The following EPHA3 variants were observed in gnomAD, a reference collection of about 807,000 sequenced individuals.
EPHA3 encodes the protein ephrin type-A receptor 3.
Under a neutral mutation model 107.1 loss-of-function variants are expected in EPHA3, and 42 were observed. The ratio of observed to expected loss-of-function variants is 0.39; its 90% CI spans 0.31 to 0.51. The LOEUF (loss-of-function observed/expected upper bound fraction) is 0.51, where lower values mean the gene tolerates loss of function less well. Ranked by LOEUF, EPHA3 falls within the 20% of genes least tolerant of loss-of-function variation. EPHA3 has a pLI of 0.78. For synonymous variants in EPHA3, 461 were observed against 424.8 expected, an observed-to-expected ratio of 1.09 and a Z score of -1.05; for missense variants, 1,183 against 1,211.2, an observed-to-expected ratio of 0.98 and a Z score of 0.35.
At chr3:89,187,977 T>C (rs1231518131) in intron 2 of EPHA3, among the ~76,000 whole-genome samples, 2 of 152,162 alleles carry the variant, frequency 1.3e-5, no homozygotes, top group African/African-American at 4.8e-5. Context: ...ATAACTGGTA[T>C]CTCCTAAACA....
intron 3 of EPHA3, among the ~76,000 whole-genome samples, chr3:89,324,778 A>T (rs1332850439): frequency 6.6e-6 from 1 of 152,024 alleles, no homozygotes; most frequent in Non-Finnish European, 1.5e-5. Flanking sequence ...TGATGCTGAG[A>T]TTTCGGATAT....
intron 2 of EPHA3, among the ~76,000 whole-genome samples, chr3:89,166,972 T>C (rs1367582963): frequency 6.6e-6 from 1 of 152,114 alleles, no homozygotes; most frequent in Non-Finnish European, 1.5e-5. Flanking sequence ...TCCTGCAAAT[T>C]GCCCCATTTC....
intron 3 of EPHA3, among the ~76,000 whole-genome samples, chr3:89,290,442 G>A (rs779607065): frequency 2.6e-5 from 4 of 152,044 alleles, no homozygotes; most frequent in Non-Finnish European, 5.9e-5. Context: ...TACATCATAT[G>A]GAAAGAATGG....
At chr3:89,244,553 C>A (rs1266636201) in intron 3 of EPHA3, among the ~76,000 whole-genome samples, 1 of 151,766 alleles carries the variant, frequency 6.6e-6, no homozygotes, top group African/African-American at 2.4e-5. Flanking sequence ...GTAATTCATA[C>A]CAAAGTATGA....
chr3:89,412,219 A>G (rs1361022787), intron 9 of EPHA3, among the ~76,000 whole-genome samples: 2 of 151,744 alleles, frequency 1.3e-5, no homozygotes, highest in Non-Finnish European at 3.0e-5. Flanking sequence ...TTTCCAAATT[A>G]TAGGAATCTT....
At chr3:89,429,038 A>G (rs1424255650) in intron 11 of EPHA3, 68 bp from the exon 12 acceptor site, 3 of 1,087,032 alleles carry the variant, frequency 2.8e-6, no homozygotes, top group African/African-American at 1.6e-5. Context: ...ATCCAACTAT[A>G]TTATATATGT....
rs1212100187 is a variant in EPHA3, at chr3:89,288,426, T to A, written c.815-52490T>A. The stretch of plus-strand genomic sequence containing the variant: ...CTTCTATAGACTTCACCTCAAATCT[T>A]TGAGTGGATACAGAATGTACTGTAT... On this transcript the variant is annotated intron_variant, in intron 3 of 16. Transcript: ENST00000336596. Among the ~76,000 whole-genome samples, 3 of 152,088 alleles carry A rather than the reference T, an allele frequency of 2.0e-5. No individual in the cohort carries two copies. The East Asian group carries it at 5.8e-4, about 29-fold the overall frequency.
intron 3 of EPHA3, among the ~76,000 whole-genome samples, chr3:89,278,940 C>G (rs1357874949): frequency 2.6e-5 from 4 of 152,074 alleles, no homozygotes; most frequent in East Asian, 3.9e-4. Context: ...CTTTTTAACT[C>G]GAGGATTCTC....
intron 13 of EPHA3, among the ~76,000 whole-genome samples, chr3:89,435,594 CTA>C (rs58654688): frequency 0.05 from 7,209 of 143,832 alleles, 605 homozygotes; most frequent in African/African-American, 0.17. Flanking sequence ...ATAAATACAT[CTA>C]TATATATATA....
At chr3:89,286,161 T>TGTGTGTGTGTG (rs71105127) in intron 3 of EPHA3, among the ~76,000 whole-genome samples, 2 of 150,412 alleles carry the variant, frequency 1.3e-5, no homozygotes, top group South Asian at 2.1e-4. Context: ...TGTGTGTGTG[T>TGTGTGTGTGTG]TTCCATAAAC....
intron 3 of EPHA3, among the ~76,000 whole-genome samples, chr3:89,339,819 A>T (rs1208931424): frequency 6.6e-6 from 1 of 152,176 alleles, no homozygotes; most frequent in East Asian, 1.9e-4. Context: ...TAAATCATCA[A>T]GTCTATTTAA....
chr3:89,318,107 C>G (rs971104544), intron 3 of EPHA3, among the ~76,000 whole-genome samples: 8 of 151,802 alleles, frequency 5.3e-5, no homozygotes, highest in Non-Finnish European at 7.4e-5. Flanking sequence ...ATGACCCAGT[C>G]AGATTCAATT....
At position 89,419,273 on chromosome 3, in the gene EPHA3, A is replaced by T; in HGVS notation, c.1957A>T (p.Lys653Ter). 1 of 1,610,608 alleles carries T rather than the reference A, an allele frequency of 6.2e-7. No individual in the cohort carries two copies. Among genetic ancestry groups the T allele is most frequent in the South Asian group, 1.1e-5 (1 of 90,966 alleles). ...AAAAAAAGAGATTTCAGTGGCCATT[A>T]AGACCCTGAAAGTTGGCTACACAGA... ...PSKKEISVAI[K>*]TLKVGYTEKQ... The change falls in exon 11 of 17, where the codon AAG (lysine) becomes TAG (stop). Residue 653 changes from lysine (K) to a stop codon, truncating the protein, a stop_gained. Coordinates refer to ENST00000336596, the MANE Select transcript of EPHA3 (RefSeq NM_005233.6). LOFTEE classifies it high-confidence loss of function.
At chr3:89,413,337 A>G (rs1221652664) in intron 10 of EPHA3, 71 bp downstream of exon 10, 13 of 1,556,944 alleles carry the variant, frequency 8.3e-6, no homozygotes. Context: ...CTGAAACCTA[A>G]GTATATTGCT....
chr3:89,265,079 T>C (rs1211792865), intron 3 of EPHA3, among the ~76,000 whole-genome samples: 1 of 152,188 alleles, frequency 6.6e-6, no homozygotes, highest in Non-Finnish European at 1.5e-5. Context: ...GATTAAAAAT[T>C]AAAAATTATG....
chr3:89,432,691 C>A (rs1408132243), intron 13 of EPHA3, among the ~76,000 whole-genome samples: 1 of 151,984 alleles, frequency 6.6e-6, no homozygotes, highest in Non-Finnish European at 1.5e-5. Flanking sequence ...TAATTATTAG[C>A]ATTTTAAATT....
intron 12 of EPHA3, among the ~76,000 whole-genome samples, chr3:89,429,398 C>A (rs1709518809): frequency 6.6e-6 from 1 of 151,946 alleles, no homozygotes; most frequent in Admixed American, 6.6e-5. Flanking sequence ...TCAAAAGACT[C>A]TTTTTATACT....
intron 7 of EPHA3, among the ~76,000 whole-genome samples, chr3:89,405,698 A>G (rs1709043679): frequency 6.6e-6 from 1 of 152,154 alleles, no homozygotes; most frequent in African/African-American, 2.4e-5. Flanking sequence ...TGGGGAGGTG[A>G]TAGTATTCAG....
At chr3:89,235,946 C>T (rs547054576) in intron 3 of EPHA3, among the ~76,000 whole-genome samples, 2 of 151,786 alleles carry the variant, frequency 1.3e-5, no homozygotes, top group Non-Finnish European at 2.9e-5. Flanking sequence ...CCCCACAAAG[C>T]AAACATATAT....
Sources: gnomAD v4.1 joint callset for allele counts (sites outside exome capture counted in the v4.1 genomes callset) on GRCh38, gnomAD v4.1.1 for gene constraint, MANE v1.5 for transcripts, NCBI Gene and HGNC (gene_info 2026-07-23, HGNC 2026-07-21) for gene names.